The following DYNLRB1 variants were observed in gnomAD, a reference collection of about 807,000 sequenced individuals.
DYNLRB1 encodes ROBL/LC7-like 1.
In DYNLRB1, 6 loss-of-function variants were observed where a neutral mutation model predicts 13.5. That is an observed-to-expected ratio of 0.44 (90% CI 0.24 to 0.88). The LOEUF (loss-of-function observed/expected upper bound fraction) is 0.88. DYNLRB1 is among the 40% of genes least tolerant of loss of function. The pLI is 0.21. For missense variants in DYNLRB1, 93 were observed against 127.2 expected (o/e 0.73, Z 1.29); for synonymous variants, 43 against 45.0 (o/e 0.96, Z 0.18).
At chr20:34,516,315 A>C (rs947393135), upstream of DYNLRB1, 208 of 1,343,312 alleles carry the variant, frequency 1.5e-4, no homozygotes, top group East Asian at 5.2e-3. Flanking sequence ...TGGCGGAGCC[A>C]AGATCGGCTC....
In DYNLRB1 at chr20:34,516,732, G is replaced by A. The variant is rs756132406; in HGVS notation, c.3+271G>A. 1.9e-6 allele frequency: 3 copies of A among 1,543,620 alleles called. No individual in the cohort carries two copies. The Admixed American group carries it at 5.9e-5, about 31-fold the overall frequency. Reference sequence around the variant, plus strand: ...AGGAAGAGATGATGGGCGAGGGGTGGGCGGCGGCCCTGCAGCCTAGAGTTT... The same window carrying A: ...AGGAAGAGATGATGGGCGAGGGGTGAGCGGCGGCCCTGCAGCCTAGAGTTT... On this transcript the variant is annotated intron_variant, in intron 1 of 3. Transcript: ENST00000357156.
chr20:34,537,285 T>C (rs561904392), intron 3 of DYNLRB1, among the ~76,000 whole-genome samples: 1 of 152,188 alleles, frequency 6.6e-6, no homozygotes, highest in Non-Finnish European at 1.5e-5. Flanking sequence ...AGAGCATGCT[T>C]CTTTGGCTCA....
intron 2 of DYNLRB1, among the ~76,000 whole-genome samples, chr20:34,534,393 A>T (rs1980955928): frequency 6.6e-6 from 1 of 152,156 alleles, no homozygotes; most frequent in South Asian, 2.1e-4. Context: ...CATCACTCAG[A>T]GCTCCTGTTG....
chr20:34,535,599 G>A, intron 3 of DYNLRB1: 1 of 976,796 alleles, frequency 1.0e-6, no homozygotes, highest in Non-Finnish European at 1.2e-6. Flanking sequence ...GGCCGTCTTT[G>A]CATTATTACT....
rs758294443 is a variant in DYNLRB1 at position 34,540,909 on chromosome 20, G to A, written c.*285G>A. The A allele has an allele frequency of 9.9e-6, 4 of 403,842 alleles. No individual in the cohort carries two copies. Among genetic ancestry groups the A allele is most frequent in the Non-Finnish European group, 8.7e-6 (2 of 228,956 alleles). 25.0% of individuals were successfully genotyped at this position (403,842 alleles called of 1,614,324 possible). ...CTTCTGACCTTCAGTTCACTTTGTC[G>A]CCCTTGGAGAAAGCTGTTTTTCTTT... On this transcript the variant is annotated 3_prime_UTR_variant, in exon 4 of 4. Transcript: ENST00000357156.
chr20:34,518,704 T>C (rs1289760826), intron 1 of DYNLRB1, among the ~76,000 whole-genome samples: 2 of 151,944 alleles, frequency 1.3e-5, no homozygotes, highest in Non-Finnish European at 2.9e-5. Flanking sequence ...TTCACCCACG[T>C]TGGCCTCCCA....
intron 2 of DYNLRB1, among the ~76,000 whole-genome samples, chr20:34,527,593 C>A (rs1980331280): frequency 6.6e-6 from 1 of 152,294 alleles, no homozygotes; most frequent in East Asian, 1.9e-4. Context: ...ACCCGGGGGT[C>A]CTGTTAAACA....
In DYNLRB1 at chr20:34,524,927, G is replaced by A. The variant is rs1197012236; in HGVS notation, c.4-1341G>A. On this transcript the variant is annotated intron_variant, in intron 1 of 3. Transcript: ENST00000357156. ...TTTTCAGGAGAGACGGAGTTTCACC[G>A]TGTTAGCCAGGATGGTTTCTATCTC... Among the ~76,000 whole-genome samples, 14 of 152,156 alleles carry A rather than the reference G, an allele frequency of 9.2e-5. No individual in the cohort carries two copies. The East Asian group carries it at 1.9e-3, about 21-fold the overall frequency.
intron 2 of DYNLRB1, among the ~76,000 whole-genome samples, chr20:34,527,750 A>G (rs1045951384): frequency 8.5e-5 from 13 of 152,250 alleles, no homozygotes; most frequent in East Asian, 1.9e-4. Context: ...GATTCTAATC[A>G]GAAGAGGCTG....
chr20:34,526,291 G>A lies in DYNLRB1; in HGVS notation c.27G>A (p.Lys9=), dbSNP rs1199356046. 1.2e-6 allele frequency: 2 copies of A among 1,614,188 alleles called. No homozygotes were observed. Among genetic ancestry groups the A allele is most frequent in the East Asian group, 2.2e-5 (1 of 44,880 alleles). MAEVEETL[K]RLQSQKGVQG... is the part of the protein sequence containing the mutation. ...AGGCAGAGGTGGAGGAGACACTGAA[G>A]CGACTGCAGAGCCAGAAGGGAGTGC... The change falls in exon 2 of 4, where the codon AAG becomes AAA. Residue 9 remains lysine (K), a synonymous_variant. Transcript: ENST00000357156.
chr20:34,527,584 C>G (rs891723410), intron 2 of DYNLRB1, among the ~76,000 whole-genome samples: 46 of 152,204 alleles, frequency 3.0e-4, no homozygotes, highest in Non-Finnish European at 1.0e-4. Flanking sequence ...TTTGAAATCA[C>G]CCGGGGGTCC....
intron 2 of DYNLRB1, among the ~76,000 whole-genome samples, chr20:34,534,294 C>G (rs761861716): frequency 6.6e-6 from 1 of 152,194 alleles, no homozygotes; most frequent in Non-Finnish European, 1.5e-5. Flanking sequence ...TGCTGGGAAC[C>G]AATCAGCCCT....
chr20:34,526,141 G>A (rs867908396), intron 1 of DYNLRB1, 127 bp from the exon 2 acceptor site: 2 of 972,018 alleles, frequency 2.1e-6, no homozygotes, highest in African/African-American at 1.6e-5. Context: ...AACTTTGAGG[G>A]TGTGCCAGGT....
At chr20:34,533,149 C>T (rs1206639544) in intron 2 of DYNLRB1, among the ~76,000 whole-genome samples, 1 of 152,168 alleles carries the variant, frequency 6.6e-6, no homozygotes, top group African/African-American at 2.4e-5. Flanking sequence ...CAGTAGGCAC[C>T]GTCCAGTGAA....
intron 1 of DYNLRB1, among the ~76,000 whole-genome samples, chr20:34,523,873 A>C (rs773077594): frequency 3.9e-5 from 6 of 152,200 alleles, no homozygotes; most frequent in Non-Finnish European, 7.3e-5. Flanking sequence ...TAGCAGTCTT[A>C]AGAAATTTCA....
At chr20:34,536,309 G>A (rs991711301) in intron 3 of DYNLRB1, 3 of 985,298 alleles carry the variant, frequency 3.0e-6, no homozygotes, top group Non-Finnish European at 3.6e-6. Context: ...AGGGGACTGT[G>A]CTGTGCTGAT....
At chr20:34,516,696 C>T (rs1568596015) in intron 1 of DYNLRB1, 1 of 1,506,450 alleles carries the variant, frequency 6.6e-7, no homozygotes, top group African/African-American at 1.4e-5. Flanking sequence ...AGCGGGAGCC[C>T]AGCCTCGGCC....
chr20:34,539,549 T>C (rs1045127648), intron 3 of DYNLRB1, among the ~76,000 whole-genome samples: 5 of 151,878 alleles, frequency 3.3e-5, no homozygotes, highest in East Asian at 3.9e-4. Flanking sequence ...GGAGTCTCAC[T>C]TTATCACCCA....
intron 2 of DYNLRB1, among the ~76,000 whole-genome samples, chr20:34,527,798 G>A (rs573341159): frequency 1.3e-5 from 2 of 152,292 alleles, no homozygotes; most frequent in East Asian, 3.9e-4. Context: ...CAGCAGTTCT[G>A]TCTCCTTCCG....
Sources: allele counts gnomAD v4.1 joint callset (sites outside exome capture counted in the v4.1 genomes callset), GRCh38; gene constraint gnomAD v4.1.1; transcripts MANE v1.5; gene names NCBI Gene and HGNC (gene_info 2026-07-23, HGNC 2026-07-21).